ATP10B: variants seen among roughly 807,000 people sequenced by gnomAD.
ATP10B encodes phospholipid-transporting ATPase VB.
A neutral mutation model predicts 141.2 loss-of-function variants in ATP10B; 122 were observed. That is an observed-to-expected ratio of 0.86 (90% confidence interval 0.75 to 1.00). The LOEUF is 1.00. ATP10B is among the 50% of genes least tolerant of loss of function. The pLI is 0.00. For missense variants in ATP10B, 1,876 were observed against 1,825.3 expected (o/e 1.03, Z -0.51); for synonymous variants, 685 against 692.0 (o/e 0.99, Z 0.16).
chr5:160,671,446 G>C (rs1375505042), intron 6 of ATP10B, among the ~76,000 whole-genome samples: 3 of 152,108 alleles, frequency 2.0e-5, no homozygotes, highest in African/African-American at 7.2e-5. Context: ...TATAAGGAGA[G>C]TGACGATAGG....
chr5:160,602,878 G>A, intron 20 of ATP10B, 176 bp from the exon 21 acceptor site: 1 of 701,826 alleles, frequency 1.4e-6, no homozygotes, highest in Non-Finnish European at 2.3e-6. Context: ...TCCCTTCTGG[G>A]AAATCCAAAC....
At chr5:160,716,847 C>T in intron 3 of ATP10B, 62 bp downstream of exon 3, 1 of 945,300 alleles carries the variant, frequency 1.1e-6, no homozygotes, top group Non-Finnish European at 1.3e-6. Context: ...GAGCTACATC[C>T]ACCTCAGTCA....
intron 25 of ATP10B, among the ~76,000 whole-genome samples, chr5:160,567,493 G>A (rs887373683): frequency 1.3e-5 from 2 of 152,056 alleles, no homozygotes; most frequent in African/African-American, 4.8e-5. Flanking sequence ...TTAATCCTTT[G>A]GGGGCCTGGC....
chr5:160,634,073 C>A (rs1487458790), intron 12 of ATP10B: 2 of 495,152 alleles, frequency 4.0e-6, no homozygotes, highest in Non-Finnish European at 7.4e-6. Flanking sequence ...AGATAAAAAA[C>A]TCGTCTCATA....
At chr5:160,574,264 C>G (rs1360416902) in intron 24 of ATP10B, among the ~76,000 whole-genome samples, 1 of 152,150 alleles carries the variant, frequency 6.6e-6, no homozygotes, top group Non-Finnish European at 1.5e-5. Context: ...GAAACCTTGT[C>G]TCTACTACAA....
At chr5:160,910,229 G>T in the ATP10B span, among the ~76,000 whole-genome samples, 11 of 152,102 alleles carry the variant, frequency 7.2e-5, no homozygotes, top group Admixed American at 3.3e-4. Context: ...GATGAGACTG[G>T]TTCCTTTTAC....
chr5:160,783,459 A>G (rs62392587), intron 2 of ATP10B, among the ~76,000 whole-genome samples: 3 of 134,850 alleles, frequency 2.2e-5, no homozygotes, highest in Non-Finnish European at 3.2e-5. Context: ...ATATATATAT[A>G]TATCATATAT....
chr5:160,724,263 T>A lies in ATP10B; in HGVS notation c.-330-7229A>T, dbSNP rs182780135. On this transcript the variant is annotated intron_variant, in intron 2 of 25. Coordinates refer to ENST00000327245, the MANE Select transcript of ATP10B (RefSeq NM_025153.3). ...GAAGCTATAATTCCTTTTTTTTTTT[T>A]TTTTTTTTTTTAGAGACAGAGTCTT... Among the ~76,000 whole-genome samples, 460 of 148,204 alleles carry A rather than the reference T, an allele frequency of 3.1e-3. 1 individual carries two copies. The highest frequency in any genetic ancestry group is 0.011 in the African/African-American group (438 of 40,392).
At chr5:160,753,052 A>G (rs1041937589) in intron 2 of ATP10B, among the ~76,000 whole-genome samples, 3 of 152,240 alleles carry the variant, frequency 2.0e-5, no homozygotes, top group African/African-American at 4.8e-5. Context: ...ACTGATTCAT[A>G]TAACAGCCAA....
At chr5:160,789,782 A>G (rs1019661205) in intron 1 of ATP10B, among the ~76,000 whole-genome samples, 2 of 152,206 alleles carry the variant, frequency 1.3e-5, no homozygotes, top group Admixed American at 6.6e-5. Context: ...TTCATGTCTC[A>G]TTCTAAAGCA....
intron 3 of ATP10B, among the ~76,000 whole-genome samples, chr5:160,709,687 C>T (rs1313606774): frequency 1.1e-4 from 15 of 135,548 alleles, no homozygotes; most frequent in African/African-American, 3.9e-4. Context: ...TATACATGTG[C>T]CATGCTGGTG....
At chr5:160,780,098 C>T (rs6870858) in intron 2 of ATP10B, among the ~76,000 whole-genome samples, 67,793 of 151,904 alleles carry the variant, frequency 0.45, 15,356 homozygotes, top group East Asian at 0.59. Context: ...TGAGAGATAG[C>T]ACTGCTAATT....
chr5:160,868,469 A>G, the ATP10B span, among the ~76,000 whole-genome samples: 5 of 151,734 alleles, frequency 3.3e-5, no homozygotes, highest in East Asian at 9.7e-4. Context: ...TAAAAGAGAA[A>G]AACCTTGCAT....
chr5:160,785,937 A>C (rs1771116190), intron 1 of ATP10B, 134 bp from the exon 2 acceptor site: 1 of 180,806 alleles, frequency 5.5e-6, no homozygotes, highest in South Asian at 1.1e-4. Flanking sequence ...AGCAAGTGGA[A>C]TAGATTCCCA....
At chr5:160,801,797 G>T (rs1246745162) in intron 1 of ATP10B, among the ~76,000 whole-genome samples, 1 of 152,166 alleles carries the variant, frequency 6.6e-6, no homozygotes, top group Admixed American at 6.5e-5. Flanking sequence ...TGGATTCCAA[G>T]TTCAGGCTTT....
the ATP10B span, among the ~76,000 whole-genome samples, chr5:160,903,048 A>T: frequency 6.6e-6 from 1 of 152,158 alleles, no homozygotes; most frequent in Non-Finnish European, 1.5e-5. Context: ...ACTAATGATA[A>T]TATTAACTGT....
intron 18 of ATP10B, 39 bp downstream of exon 18, chr5:160,612,702 G>T (rs1347098533): frequency 1.3e-6 from 2 of 1,540,414 alleles, no homozygotes; most frequent in Non-Finnish European, 8.9e-7. Flanking sequence ...TGCTCTACAC[G>T]TTGATATCTG....
At chr5:160,785,506 T>TG in intron 2 of ATP10B, 53 bp downstream of exon 2, 1 of 458,016 alleles carries the variant, frequency 2.2e-6, no homozygotes, top group Non-Finnish European at 4.3e-6. Flanking sequence ...TACTGAGTGA[T>TG]GCTGAGGTTT....
intron 3 of ATP10B, 24 bp downstream of exon 3, chr5:160,716,885 G>A (rs530311938): frequency 5.9e-5 from 58 of 984,818 alleles, no homozygotes; most frequent in Non-Finnish European, 6.4e-5. Context: ...GGAAAGAAAC[G>A]GGGAAGCAAC....
Sources: allele counts gnomAD v4.1 joint callset (sites outside exome capture counted in the v4.1 genomes callset), GRCh38; gene constraint gnomAD v4.1.1; transcripts MANE v1.5; gene names NCBI Gene and HGNC (gene_info 2026-07-23, HGNC 2026-07-21).